The following VPS13B variants were observed in gnomAD, a reference collection of about 807,000 sequenced individuals.
VPS13B encodes the protein intermembrane lipid transfer protein VPS13B.
A neutral mutation model predicts 426.4 loss-of-function variants in VPS13B; 285 were observed. That is an observed-to-expected ratio of 0.67 (90% CI 0.61 to 0.74). VPS13B has a LOEUF of 0.74. Ranked by LOEUF, VPS13B falls within the 30% of genes least tolerant of loss-of-function variation. The probability of loss-of-function intolerance (pLI) is 0.00; values close to 1 mark genes in which losing one functional copy is unlikely to be tolerated. For synonymous variants in VPS13B, 1,676 were observed against 1,676.4 expected (o/e 1.00, Z 0.01); for missense variants, 4,537 against 4,782.6 (o/e 0.95, Z 1.51).
At position 99,384,249 on chromosome 8, in the gene VPS13B, A is replaced by T; in HGVS notation, c.2866A>T (p.Ile956Phe). The change falls in exon 20 of 62, where the codon ATT becomes TTT. Residue 956 changes from isoleucine to phenylalanine, a missense_variant. Around this residue, in one of 2 missense-constraint regions of VPS13B, gnomAD observed 4,311 missense variants for 4,474.3 expected, o/e 0.96. Transcript: ENST00000357162. ...LCSIQGLAVN[I>F]DPILYTWLIY... ...CAGTATACAAGGACTAGCAGTTAATATTGACCCAATCTTATATACGTGGCT... is the reference window on the plus strand; with the variant it reads ...CAGTATACAAGGACTAGCAGTTAATTTTGACCCAATCTTATATACGTGGCT... 6.2e-7 allele frequency: 1 copy of T among 1,614,028 alleles called. No individual in the cohort carries two copies. The highest frequency in any genetic ancestry group is 8.5e-7 in the Non-Finnish European group (1 of 1,179,956).
chr8:99,376,935 G>GT (rs1280315269), intron 19 of VPS13B, among the ~76,000 whole-genome samples: 4 of 151,784 alleles, frequency 2.6e-5, no homozygotes, highest in Middle Eastern at 3.4e-3. Context: ...TTTCTTTACT[G>GT]TTTTTTCAAT....
intron 16 of VPS13B, among the ~76,000 whole-genome samples, chr8:99,185,165 A>C (rs1038120352): frequency 6.6e-6 from 1 of 152,228 alleles, no homozygotes; most frequent in African/African-American, 2.4e-5. Context: ...GTTTACTCAT[A>C]TCAAGTAGGC....
intron 3 of VPS13B, among the ~76,000 whole-genome samples, chr8:99,041,965 A>G (rs909520792): frequency 6.6e-6 from 1 of 152,012 alleles, no homozygotes; most frequent in Non-Finnish European, 1.5e-5. Context: ...TTTTCATCTA[A>G]TAAATGTAAC....
At chr8:99,190,755 T>G (rs551499373) in intron 16 of VPS13B, among the ~76,000 whole-genome samples, 10 of 152,338 alleles carry the variant, frequency 6.6e-5, no homozygotes, top group African/African-American at 2.4e-4. Context: ...TGTCATAAAC[T>G]CTGAACTATG....
At chr8:99,379,198 A>G (rs1434911575) in intron 19 of VPS13B, among the ~76,000 whole-genome samples, 2 of 152,040 alleles carry the variant, frequency 1.3e-5, no homozygotes, top group East Asian at 1.9e-4. Flanking sequence ...CCATTCCTCC[A>G]CCCCCCAAAT....
chr8:99,690,600 A>G (rs1054582003), intron 35 of VPS13B, among the ~76,000 whole-genome samples: 4 of 152,094 alleles, frequency 2.6e-5, no homozygotes, highest in African/African-American at 9.7e-5. Flanking sequence ...ATGTATCTAT[A>G]TATATCAAAT....
At chr8:99,859,229 T>A (rs775907744) in intron 56 of VPS13B, 75 bp from the exon 57 acceptor site, 118 of 1,572,746 alleles carry the variant, frequency 7.5e-5, no homozygotes, top group Admixed American at 1.3e-4. Context: ...GCAGGGAAAA[T>A]GGGTCACTTT....
At chr8:99,663,307 T>C (rs888593287) in intron 35 of VPS13B, among the ~76,000 whole-genome samples, 1 of 152,198 alleles carries the variant, frequency 6.6e-6, no homozygotes, top group Non-Finnish European at 1.5e-5. Flanking sequence ...TCAGCATGTT[T>C]TTCTAGTGCT....
At chr8:99,139,183 T>C (rs1343777904) in intron 12 of VPS13B, among the ~76,000 whole-genome samples, 1 of 152,210 alleles carries the variant, frequency 6.6e-6, no homozygotes, top group Non-Finnish European at 1.5e-5. Flanking sequence ...TAGGACATTG[T>C]TAGCATCCAG....
chr8:99,496,768 A>G (rs1022057129), intron 25 of VPS13B, among the ~76,000 whole-genome samples: 8 of 152,144 alleles, frequency 5.3e-5, no homozygotes, highest in Non-Finnish European at 1.2e-4. Flanking sequence ...TACTTTCATA[A>G]CCTGTATGTC....
intron 41 of VPS13B, among the ~76,000 whole-genome samples, chr8:99,778,416 T>A (rs1811848180): frequency 6.6e-6 from 1 of 152,188 alleles, no homozygotes; most frequent in Non-Finnish European, 1.5e-5. Context: ...AGTTTATTTA[T>A]TGGCTTCTGT....
At chr8:99,834,692 G>A (rs1815283164) in intron 52 of VPS13B, among the ~76,000 whole-genome samples, 1 of 152,078 alleles carries the variant, frequency 6.6e-6, no homozygotes, top group South Asian at 2.1e-4. Context: ...CCAAGTAGCT[G>A]GGACCACAAG....
At chr8:99,061,556 C>G (rs1844192485) in intron 3 of VPS13B, among the ~76,000 whole-genome samples, 1 of 117,134 alleles carries the variant, frequency 8.5e-6, no homozygotes, top group African/African-American at 3.4e-5. Context: ...ATTTTTGTTC[C>G]TTTTTTTCTT....
chr8:99,699,699 A>C lies in VPS13B; in HGVS notation c.6221A>C (p.Lys2074Thr), dbSNP rs1832190048. 4 of 1,614,058 alleles carry C rather than the reference A, an allele frequency of 2.5e-6. No individual in the cohort carries two copies. In the Admixed American group the frequency reaches 5.0e-5, roughly 20 times the overall value. The change falls in exon 36 of 62, where the codon AAA (lysine) becomes ACA (threonine). Residue 2074 changes from lysine to threonine, a missense_variant. Coordinates refer to ENST00000357162, the MANE Select transcript of VPS13B (RefSeq NM_152564.5). ...AATAAGGATGATCTTCCAGTCTCCA[A>C]ATATTACCGTGGAAAGTTGTCTAAA... ...MVNKDDLPVS[K>T]YYRGKLSKPK...
intron 42 of VPS13B, 109 bp from the exon 43 acceptor site, chr8:99,784,206 C>G: frequency 7.1e-7 from 1 of 1,399,130 alleles, no homozygotes; most frequent in Non-Finnish European, 1.0e-6. Context: ...CTAATGACAA[C>G]AGATCTTTTA....
At chr8:99,871,858 G>C (rs1409255427) in intron 61 of VPS13B, among the ~76,000 whole-genome samples, 161 bp downstream of exon 61, 1 of 151,868 alleles carries the variant, frequency 6.6e-6, no homozygotes, top group Non-Finnish European at 1.5e-5. Flanking sequence ...AGGCCGGAGG[G>C]CCGCTGCGAA....
intron 33 of VPS13B, among the ~76,000 whole-genome samples, chr8:99,625,864 C>A (rs929165212): frequency 4.0e-5 from 6 of 151,554 alleles, no homozygotes; most frequent in African/African-American, 1.5e-4. Context: ...ACAACAACAA[C>A]AACAAAAAAA....
intron 16 of VPS13B, among the ~76,000 whole-genome samples, chr8:99,190,830 CTT>C (rs1813524755): frequency 1.3e-5 from 2 of 151,900 alleles, no homozygotes; most frequent in African/African-American, 4.8e-5. Flanking sequence ...TTTCTTTCTT[CTT>C]CTTTTTTTTT....
chr8:99,851,840 T>C (rs1029027297), intron 55 of VPS13B, among the ~76,000 whole-genome samples: 2 of 152,096 alleles, frequency 1.3e-5, no homozygotes, highest in African/African-American at 2.4e-5. Flanking sequence ...TGGATCATTT[T>C]TGAACATAGA....
Sources: gnomAD v4.1 joint callset for allele counts (sites outside exome capture counted in the v4.1 genomes callset) on GRCh38, gnomAD v4.1.1 for gene constraint, gnomAD v4.1.1 regional missense constraint, MANE v1.5 for transcripts, NCBI Gene and HGNC (gene_info 2026-07-23, HGNC 2026-07-21) for gene names.